The following SDK1 variants were observed in gnomAD, a reference collection of about 807,000 sequenced individuals.
SDK1 encodes the protein sidekick cell adhesion molecule 1, also known as protein sidekick-1.
In SDK1, 157 loss-of-function variants were observed where a neutral mutation model predicts 245.5. The observed-to-expected ratio is 0.64, with a 90% confidence interval of 0.56 to 0.73. The LOEUF (loss-of-function observed/expected upper bound fraction) is 0.73. SDK1 is among the 30% of genes least tolerant of loss of function. SDK1 has a pLI of 0.00. For synonymous variants in SDK1, 1,647 were observed against 1,278.5 expected (o/e 1.29, Z -6.15); for missense variants, 3,583 against 3,002.3 (o/e 1.19, Z -4.52).
chr7:3,898,415 C>T (rs1044309939), intron 5 of SDK1, among the ~76,000 whole-genome samples: 1 of 152,178 alleles, frequency 6.6e-6, no homozygotes, highest in African/African-American at 2.4e-5. Flanking sequence ...AAGATTCTAA[C>T]TAGCTTTTTT....
At chr7:3,794,362 A>G (rs779836578) in intron 4 of SDK1, among the ~76,000 whole-genome samples, 29 of 152,156 alleles carry the variant, frequency 1.9e-4, no homozygotes, top group Non-Finnish European at 3.7e-4. Context: ...GAAGAAAAAA[A>G]AGGCATATAT....
At chr7:4,094,450 C>T (rs1198161467) in intron 22 of SDK1, among the ~76,000 whole-genome samples, 1 of 152,176 alleles carries the variant, frequency 6.6e-6, no homozygotes, top group African/African-American at 2.4e-5. Flanking sequence ...TCTACTCACC[C>T]CTCCAATCCC....
At chr7:3,639,540 G>A (rs1182892591) in intron 3 of SDK1, among the ~76,000 whole-genome samples, 1 of 152,162 alleles carries the variant, frequency 6.6e-6, no homozygotes, top group Non-Finnish European at 1.5e-5. Context: ...AAGGTACATG[G>A]ATAGTGAGCG....
intron 17 of SDK1, among the ~76,000 whole-genome samples, chr7:4,031,030 AAC>A (rs1787775762): frequency 6.6e-6 from 1 of 152,088 alleles, no homozygotes; most frequent in East Asian, 1.9e-4. Flanking sequence ...TACATGCGCA[AAC>A]AGAGACAAGT....
chr7:3,694,021 G>A (rs1784506591), intron 4 of SDK1, among the ~76,000 whole-genome samples: 1 of 152,040 alleles, frequency 6.6e-6, no homozygotes, highest in Non-Finnish European at 1.5e-5. Context: ...GTGGCATTTT[G>A]TTTGTATCTT....
At chr7:3,374,242 T>C (rs1227788499) in intron 1 of SDK1, among the ~76,000 whole-genome samples, 1 of 152,146 alleles carries the variant, frequency 6.6e-6, no homozygotes, top group Non-Finnish European at 1.5e-5. Context: ...TTATGAGCAA[T>C]ACCACCCCAC....
chr7:4,265,039 G>GC lies in SDK1; in HGVS notation c.6382-80dup. ...CCGCGACACACGCCCCTGGGGAGGT[G>GC]CCCCCACCGCCAGGCCTCCTGCCCA... On this transcript the variant is annotated intron_variant, in intron 44 of 44. Coordinates refer to ENST00000404826, the MANE Select transcript of SDK1 (RefSeq NM_152744.4). 3.3e-6 allele frequency: 5 copies of GC among 1,533,078 alleles called. 1 individual carries two copies. The South Asian group carries it at 4.9e-5, about 15-fold the overall frequency. The allele number at this position is 1,533,078 out of a possible 1,614,324, so 95.0% of individuals were successfully genotyped here.
chr7:3,430,699 C>A (rs932828195), intron 1 of SDK1, among the ~76,000 whole-genome samples: 10 of 152,162 alleles, frequency 6.6e-5, no homozygotes, highest in African/African-American at 1.9e-4. Context: ...AACTGGAGTT[C>A]GTTAGGTATC....
chr7:3,407,442 C>G lies in SDK1; in HGVS notation c.298+105558C>G, dbSNP rs576841072. Among the ~76,000 whole-genome samples the G allele has an allele frequency of 2.6e-5, 4 of 152,236 alleles. No individual in the cohort carries two copies. In the East Asian group the frequency reaches 7.7e-4, roughly 29 times the overall value. On this transcript the variant is annotated intron_variant, in intron 1 of 44. Coordinates refer to ENST00000404826, the MANE Select transcript of SDK1 (RefSeq NM_152744.4). ...CTTTTGGTGACAGTGCCTTGGTTGA[C>G]TGGTCTCAGCAACCTGCTTTAATCT... is the stretch of plus-strand genomic sequence containing the variant.
At chr7:3,972,956 G>A (rs1384411206) in intron 12 of SDK1, among the ~76,000 whole-genome samples, 22 of 152,144 alleles carry the variant, frequency 1.4e-4, no homozygotes, top group Admixed American at 1.3e-3. Flanking sequence ...GTCAGGCCTC[G>A]GAAAGAGCTC....
chr7:3,934,567 T>G (rs1780091227), intron 5 of SDK1, among the ~76,000 whole-genome samples: 1 of 152,240 alleles, frequency 6.6e-6, no homozygotes, highest in Non-Finnish European at 1.5e-5. Flanking sequence ...TTGGAAAGTG[T>G]AAAGTTACAC....
intron 5 of SDK1, among the ~76,000 whole-genome samples, chr7:3,839,058 C>T (rs923330828): frequency 4.6e-5 from 7 of 152,160 alleles, no homozygotes; most frequent in African/African-American, 1.7e-4. Flanking sequence ...GGATATTCAG[C>T]AGTGGATGGT....
At chr7:4,236,026 C>G (rs998185074) in intron 41 of SDK1, among the ~76,000 whole-genome samples, 2 of 152,244 alleles carry the variant, frequency 1.3e-5, no homozygotes, top group Admixed American at 6.5e-5. Context: ...CTACTTCTGT[C>G]TTTTGGATTT....
chr7:4,149,738 C>T (rs927956704), intron 30 of SDK1, among the ~76,000 whole-genome samples: 2 of 152,070 alleles, frequency 1.3e-5, no homozygotes, highest in East Asian at 1.9e-4. Flanking sequence ...ATTGGCGAGG[C>T]AGGGGTGATG....
intron 4 of SDK1, among the ~76,000 whole-genome samples, chr7:3,735,907 T>G (rs998336397): frequency 2.9e-4 from 44 of 152,314 alleles, no homozygotes; most frequent in African/African-American, 1.0e-3. Context: ...ACTCTCTCAT[T>G]GCGGTTTTAA....
chr7:3,601,247 A>G (rs538226620), intron 1 of SDK1, among the ~76,000 whole-genome samples: 3 of 152,194 alleles, frequency 2.0e-5, no homozygotes, highest in African/African-American at 7.2e-5. Context: ...GAATTGGGAG[A>G]TGTTTCTTTC....
intron 1 of SDK1, among the ~76,000 whole-genome samples, chr7:3,479,191 G>T (rs1400011458): frequency 6.6e-6 from 1 of 152,050 alleles, no homozygotes; most frequent in African/African-American, 2.4e-5. Context: ...GGAGGCTGAG[G>T]AGGGCGGATC....
chr7:4,171,764 G>A (rs553400425), intron 32 of SDK1, among the ~76,000 whole-genome samples: 6 of 152,242 alleles, frequency 3.9e-5, no homozygotes, highest in Non-Finnish European at 5.9e-5. Flanking sequence ...GCTAGATGCC[G>A]GGCAGTGCCA....
intron 1 of SDK1, among the ~76,000 whole-genome samples, chr7:3,362,600 T>C (rs1780983781): frequency 1.3e-5 from 2 of 152,164 alleles, no homozygotes; most frequent in African/African-American, 4.8e-5. Flanking sequence ...TTCAAACTTC[T>C]GAAGAAATGT....
Sources: gnomAD v4.1 joint callset for allele counts (sites outside exome capture counted in the v4.1 genomes callset) on GRCh38, gnomAD v4.1.1 for gene constraint, MANE v1.5 for transcripts, NCBI Gene and HGNC (gene_info 2026-07-23, HGNC 2026-07-21) for gene names.